MAF: variants seen among roughly 807,000 people sequenced by gnomAD.
MAF encodes transcription factor Maf.
A neutral mutation model predicts 22.0 loss-of-function variants in MAF; 10 were observed. That is an observed-to-expected ratio of 0.45 (90% CI 0.28 to 0.77). MAF has a LOEUF of 0.77. Ranked by LOEUF, MAF falls within the 30% of genes least tolerant of loss-of-function variation. The pLI is 0.12. For missense variants in MAF, 544 were observed against 548.4 expected (o/e 0.99, Z 0.08); for synonymous variants, 337 against 255.8 (o/e 1.32, Z -3.03).
At chr16:79,273,361 G>A in the MAF span, among the ~76,000 whole-genome samples, 3 of 152,218 alleles carry the variant, frequency 2.0e-5, no homozygotes, top group East Asian at 3.8e-4. Context: ...TTTCATTGCT[G>A]CCATGTGAAC....
chr16:79,221,229 T>C, the MAF span, among the ~76,000 whole-genome samples: 1 of 152,216 alleles, frequency 6.6e-6, no homozygotes, highest in Non-Finnish European at 1.5e-5. Flanking sequence ...TGGTGTGGCC[T>C]AGATTTGAAG....
chr16:79,342,684 A>G, the MAF span, among the ~76,000 whole-genome samples: 1 of 152,148 alleles, frequency 6.6e-6, no homozygotes, highest in African/African-American at 2.4e-5. Flanking sequence ...AGATCTGTTG[A>G]AAGCTAACAA....
At chr16:79,469,341 T>C in the MAF span, among the ~76,000 whole-genome samples, 8 of 152,314 alleles carry the variant, frequency 5.3e-5, no homozygotes, top group East Asian at 1.5e-3. Context: ...ACTAAATAAA[T>C]GGTGAGTGGT....
the MAF span, among the ~76,000 whole-genome samples, chr16:79,305,523 G>A: frequency 1.3e-5 from 2 of 152,156 alleles, no homozygotes; most frequent in Non-Finnish European, 2.9e-5. Flanking sequence ...CTGAGGGTCT[G>A]CAAGGTGGAT....
the MAF span, among the ~76,000 whole-genome samples, chr16:79,338,309 A>T: frequency 6.6e-6 from 1 of 152,200 alleles, no homozygotes; most frequent in Non-Finnish European, 1.5e-5. Flanking sequence ...AGATGACTTT[A>T]TATGCTAAGT....
At chr16:79,325,561 A>C in the MAF span, among the ~76,000 whole-genome samples, 3 of 151,834 alleles carry the variant, frequency 2.0e-5, no homozygotes, top group Non-Finnish European at 4.4e-5. Context: ...GCACACAGAC[A>C]CACACACAGA....
At chr16:79,400,260 T>A in the MAF span, among the ~76,000 whole-genome samples, 1 of 152,194 alleles carries the variant, frequency 6.6e-6, no homozygotes, top group Non-Finnish European at 1.5e-5. Context: ...AGAACATCCC[T>A]TTGTGGCTTG....
the MAF span, among the ~76,000 whole-genome samples, chr16:79,230,369 C>G: frequency 3.0e-3 from 456 of 152,270 alleles, 11 homozygotes; most frequent in Admixed American, 0.023. Flanking sequence ...GCAAGAAGTA[C>G]TGAGGCTCGG....
At chr16:79,209,156 AAGGT>A in the MAF span, among the ~76,000 whole-genome samples, 31 of 152,316 alleles carry the variant, frequency 2.0e-4, no homozygotes, top group African/African-American at 7.2e-4. Flanking sequence ...GCTTTTCAAA[AAGGT>A]ATGGCTCTCA....
chr16:79,280,806 T>C, the MAF span, among the ~76,000 whole-genome samples: 2 of 152,186 alleles, frequency 1.3e-5, no homozygotes, highest in African/African-American at 4.8e-5. Context: ...TCTCTCCCAT[T>C]GTACTCCTCA....
chr16:79,485,334 C>A, the MAF span, among the ~76,000 whole-genome samples: 1 of 152,194 alleles, frequency 6.6e-6, no homozygotes, highest in East Asian at 1.9e-4. Flanking sequence ...CATACGACAG[C>A]GATTGGCACA....
chr16:79,554,531 A>C, the MAF span, among the ~76,000 whole-genome samples: 2 of 152,202 alleles, frequency 1.3e-5, no homozygotes, highest in African/African-American at 4.8e-5. Flanking sequence ...AAGAGCATGT[A>C]ACAAGACAGA....
chr16:79,426,109 G>A, the MAF span, among the ~76,000 whole-genome samples: 2 of 152,116 alleles, frequency 1.3e-5, no homozygotes, highest in African/African-American at 4.8e-5. Flanking sequence ...AGGAGGCTAA[G>A]GCAGGAGAAT....
At chr16:79,209,314 C>A in the MAF span, among the ~76,000 whole-genome samples, 1 of 152,158 alleles carries the variant, frequency 6.6e-6, no homozygotes. Flanking sequence ...AGCAAAAATA[C>A]CATTCCAGTA....
chr16:79,329,006 G>A, the MAF span, among the ~76,000 whole-genome samples: 1 of 151,970 alleles, frequency 6.6e-6, no homozygotes. Context: ...GAAACATGAA[G>A]GAGCTGTTTT....
the MAF span, among the ~76,000 whole-genome samples, chr16:79,412,346 T>C: frequency 6.6e-6 from 1 of 152,036 alleles, no homozygotes; most frequent in Admixed American, 6.6e-5. Context: ...CATGTGGAGG[T>C]GTTGGGGAAG....
At chr16:79,315,593 C>A in the MAF span, among the ~76,000 whole-genome samples, 27 of 152,312 alleles carry the variant, frequency 1.8e-4, no homozygotes, top group African/African-American at 6.5e-4. Context: ...GGTTAAGTAG[C>A]TTTCCCAAGT....
the MAF span, among the ~76,000 whole-genome samples, chr16:79,459,679 T>C: frequency 2.0e-5 from 3 of 151,844 alleles, no homozygotes; most frequent in African/African-American, 7.3e-5. Context: ...CTCAGGTGAT[T>C]CTCCTACCTC....
At chr16:79,563,160 C>A in the MAF span, among the ~76,000 whole-genome samples, 1 of 152,142 alleles carries the variant, frequency 6.6e-6, no homozygotes, top group Non-Finnish European at 1.5e-5. Context: ...CTGGACTTTC[C>A]AGACACCAAA....
Sources: allele counts gnomAD v4.1 joint callset (sites outside exome capture counted in the v4.1 genomes callset), GRCh38; gene constraint gnomAD v4.1.1; transcripts MANE v1.5; gene names NCBI Gene and HGNC (gene_info 2026-07-23, HGNC 2026-07-21).